Variants in IL1RAPL2 observed in about 807,000 individuals in gnomAD.
IL1RAPL2 encodes the protein interleukin 1 receptor accessory protein like 2.
IL1RAPL2 carries 3 observed loss-of-function variants against 44.1 expected under a neutral mutation model. The ratio of observed to expected loss-of-function variants is 0.07; its 90% CI spans 0.03 to 0.18. The LOEUF is 0.18. Ranked by LOEUF, IL1RAPL2 falls within the 10% of genes least tolerant of loss-of-function variation. The probability of loss-of-function intolerance (pLI) is 1.00; values close to 1 mark genes in which losing one functional copy is unlikely to be tolerated. For synonymous variants in IL1RAPL2, 181 were observed against 178.8 expected, an observed-to-expected ratio of 1.01 and a Z score of -0.10; for missense variants, 391 against 496.4, an observed-to-expected ratio of 0.79 and a Z score of 2.02.
At chrX:104,792,718 G>A (rs756257017) in intron 2 of IL1RAPL2, among the ~76,000 whole-genome samples, 1 of 111,240 alleles carries the variant, frequency 9.0e-6, no homozygotes, top group Non-Finnish European at 1.9e-5. Flanking sequence ...GCAGTTATTA[G>A]AATAAAACTG....
chrX:105,179,414 C>G (rs1429534069), intron 2 of IL1RAPL2, among the ~76,000 whole-genome samples: 2 of 111,798 alleles, frequency 1.8e-5, no homozygotes, highest in African/African-American at 6.5e-5. Context: ...ATTTTGAAAT[C>G]ACGTAATGTG....
At chrX:104,764,049 C>T (rs1602716662) in intron 2 of IL1RAPL2, among the ~76,000 whole-genome samples, 1 of 111,413 alleles carries the variant, frequency 9.0e-6, no homozygotes, top group Admixed American at 9.5e-5. Context: ...TATGGGTCTT[C>T]TCTGGTTCCA....
At chrX:105,020,307 A>C (rs1237352061) in intron 2 of IL1RAPL2, among the ~76,000 whole-genome samples, 1 of 111,577 alleles carries the variant, frequency 9.0e-6, no homozygotes, top group Non-Finnish European at 1.9e-5. Context: ...TAACCTCGTT[A>C]AAACTTAATT....
intron 2 of IL1RAPL2, among the ~76,000 whole-genome samples, chrX:104,805,829 T>A (rs1252441322): frequency 8.9e-6 from 1 of 112,030 alleles, no homozygotes; most frequent in Non-Finnish European, 1.9e-5. Flanking sequence ...ATTTTCCAGA[T>A]GAAGCCAAGA....
chrX:105,157,745 A>G, intron 2 of IL1RAPL2, among the ~76,000 whole-genome samples: 1 of 112,493 alleles, frequency 8.9e-6, no homozygotes, highest in Non-Finnish European at 1.9e-5. Context: ...ATCAAAAAGT[A>G]TTATTTCTTA....
intron 5 of IL1RAPL2, among the ~76,000 whole-genome samples, chrX:105,296,187 A>G (rs1351533452): frequency 7.2e-5 from 8 of 111,194 alleles, no homozygotes; most frequent in African/African-American, 2.3e-4. Flanking sequence ...TTAGCACCAC[A>G]GAGACCCCAT....
intron 7 of IL1RAPL2, among the ~76,000 whole-genome samples, chrX:105,723,279 C>T (rs2038321675): frequency 9.0e-6 from 1 of 111,601 alleles, no homozygotes; most frequent in East Asian, 2.9e-4. Context: ...TAACGTGTTT[C>T]TCATGTAAGT....
chrX:105,199,831 A>G (rs782638063), intron 3 of IL1RAPL2, among the ~76,000 whole-genome samples: 1 of 112,449 alleles, frequency 8.9e-6, no homozygotes, highest in South Asian at 3.7e-4. Flanking sequence ...ATTACCTCTC[A>G]TGTGTGCCTT....
intron 2 of IL1RAPL2, among the ~76,000 whole-genome samples, chrX:104,880,065 C>T (rs925304487): frequency 1.2e-5 from 1 of 85,916 alleles, no homozygotes; most frequent in East Asian, 4.0e-4. Flanking sequence ...TACGCTAAAT[C>T]TGTTTTGCAA....
chrX:105,213,956 T>C (rs1033411513), intron 3 of IL1RAPL2, among the ~76,000 whole-genome samples: 5 of 108,239 alleles, frequency 4.6e-5, no homozygotes, highest in African/African-American at 1.7e-4. Flanking sequence ...GGCCCTGCCT[T>C]ACAAGAGATC....
chrX:105,528,414 T>G (rs2036608757), intron 6 of IL1RAPL2, among the ~76,000 whole-genome samples: 1 of 112,012 alleles, frequency 8.9e-6, no homozygotes, highest in South Asian at 3.7e-4. Flanking sequence ...ATTCCTTTCT[T>G]CCTTCAAATA....
intron 7 of IL1RAPL2, among the ~76,000 whole-genome samples, chrX:105,728,291 T>C (rs1277774540): frequency 3.6e-5 from 4 of 111,927 alleles, no homozygotes; most frequent in Non-Finnish European, 7.5e-5. Flanking sequence ...ACATAGCCTT[T>C]TCAGAGTGGC....
At chrX:105,608,004 A>G (rs955478225) in intron 6 of IL1RAPL2, among the ~76,000 whole-genome samples, 4 of 111,097 alleles carry the variant, frequency 3.6e-5, no homozygotes, top group Non-Finnish European at 7.6e-5. Flanking sequence ...GAAAGAAGAG[A>G]GCTCTGCAAT....
chrX:105,398,569 T>C (rs1425404822), intron 5 of IL1RAPL2, among the ~76,000 whole-genome samples: 1 of 110,848 alleles, frequency 9.0e-6, no homozygotes, highest in Non-Finnish European at 1.9e-5. Context: ...TTCAAAGTAA[T>C]AATTTGCTAT....
chrX:105,664,353 G>A (rs1435925204), intron 6 of IL1RAPL2, among the ~76,000 whole-genome samples: 2 of 111,847 alleles, frequency 1.8e-5, no homozygotes, highest in African/African-American at 3.3e-5. Context: ...AGAGATAGGC[G>A]AATTCTACTC....
chrX:104,640,084 C>CT (rs1047480906), intron 1 of IL1RAPL2, among the ~76,000 whole-genome samples: 10 of 110,895 alleles, frequency 9.0e-5, no homozygotes, highest in Admixed American at 1.9e-4. Context: ...TTCTATCTTT[C>CT]TTTTTTTTCA....
At chrX:105,560,839 A>G (rs1050784217) in intron 6 of IL1RAPL2, among the ~76,000 whole-genome samples, 6 of 109,613 alleles carry the variant, frequency 5.5e-5, no homozygotes, top group Admixed American at 2.9e-4. Flanking sequence ...TATATAATAC[A>G]TATATATTTT....
In IL1RAPL2 at chrX:104,982,458, G is replaced by GT. The variant is rs777383277; in HGVS notation, c.83-213010dup. Among the ~76,000 whole-genome samples, 162 of 110,792 alleles carry GT rather than the reference G, an allele frequency of 1.5e-3. 1 individual carries two copies. The highest frequency in any genetic ancestry group is 4.9e-3 in the African/African-American group (150 of 30,569). ...ATCAAAAACTCACCTTACATTTTGA[G>GT]TTTTTTTAAGGGAAAAATCATATCT... On this transcript the variant is annotated intron_variant, in intron 2 of 10. Coordinates refer to ENST00000372582, the MANE Select transcript of IL1RAPL2 (RefSeq NM_017416.2).
intron 5 of IL1RAPL2, among the ~76,000 whole-genome samples, chrX:105,311,611 T>TACATAC (rs1556277589): frequency 2.2e-5 from 2 of 92,559 alleles, no homozygotes; most frequent in Non-Finnish European, 2.1e-5. Context: ...TATACATACA[T>TACATAC]ACACACACAC....
Sources: gnomAD v4.1 joint callset for allele counts (sites outside exome capture counted in the v4.1 genomes callset) on GRCh38, gnomAD v4.1.1 for gene constraint, MANE v1.5 for transcripts, NCBI Gene and HGNC (gene_info 2026-07-23, HGNC 2026-07-21) for gene names.